The following SLC14A2 variants were observed in gnomAD, a reference collection of about 807,000 sequenced individuals.
SLC14A2 encodes the protein solute carrier family 14 member 2.
Under a neutral mutation model 104.6 loss-of-function variants are expected in SLC14A2, and 91 were observed. The observed-to-expected ratio is 0.87, with a 90% CI of 0.73 to 1.04. The LOEUF is 1.04. Ranked by LOEUF, SLC14A2 falls within the 50% of genes least tolerant of loss-of-function variation. SLC14A2 has a pLI of 0.00. For synonymous variants in SLC14A2, 476 were observed against 466.4 expected (o/e 1.02, Z -0.27); for missense variants, 1,189 against 1,156.0 (o/e 1.03, Z -0.41).
At chr18:45,414,757 A>ATATATATAT (rs1555684043) in intron 1 of SLC14A2, among the ~76,000 whole-genome samples, 2 of 76,096 alleles carry the variant, frequency 2.6e-5, no homozygotes, top group Non-Finnish European at 2.2e-5. Flanking sequence ...AAAAAAAAAA[A>ATATATATAT]ATATATATAT....
Position 45,366,654 on chromosome 18 carries a change from C to T in SLC14A2, c.-124-116579C>T, listed in dbSNP as rs915794858. ...AGAAAAACCAGCTACAGCCTTCTGC[C>T]TAGGACATACCTCTGCCCCACCAGG... is the stretch of plus-strand genomic sequence containing the variant. On this transcript the variant is annotated intron_variant, in intron 1 of 20. Coordinates refer to the SLC14A2 transcript ENST00000586448. Among the ~76,000 whole-genome samples, 3 of 152,314 alleles carry T rather than the reference C, an allele frequency of 2.0e-5. No individual in the cohort carries two copies. In the South Asian group the frequency reaches 6.2e-4, roughly 32 times the overall value.
At position 45,235,819 on chromosome 18, in the gene SLC14A2, A is replaced by G. The variant is rs570703779; in HGVS notation, c.-125+22628A>G. The stretch of plus-strand genomic sequence containing the variant: ...CGCGTGTGTGTGTGTGTGTGTATAT[A>G]TATATATATATACGTGTATATATAT... On this transcript the variant is annotated intron_variant, in intron 1 of 20. Coordinates refer to the SLC14A2 transcript ENST00000586448. Among the ~76,000 whole-genome samples, 57 of 127,580 alleles carry G rather than the reference A, an allele frequency of 4.5e-4. 3 individuals are homozygous for G. The highest frequency in any genetic ancestry group is 1.6e-3 in the African/African-American group (51 of 32,394). The allele number at this position is 127,580 out of a possible 152,430, so 83.7% of individuals were successfully genotyped here. A position where few individuals can be genotyped will look rare whatever the true frequency, so the allele number is the denominator to read the frequency against.
intron 2 of SLC14A2, among the ~76,000 whole-genome samples, chr18:45,518,804 A>G (rs895989444): frequency 5.9e-5 from 9 of 152,150 alleles, no homozygotes; most frequent in Admixed American, 4.6e-4. Flanking sequence ...GTTTTCTGAT[A>G]CCTCTTCAAC....
At chr18:45,170,901 G>A in the SLC14A2 span, among the ~76,000 whole-genome samples, 18 of 152,242 alleles carry the variant, frequency 1.2e-4, no homozygotes, top group East Asian at 5.8e-4. Context: ...GGTGCCATTG[G>A]GGGTAGGAGA....
At chr18:45,537,044 TC>T (rs2043801083) in intron 2 of SLC14A2, among the ~76,000 whole-genome samples, 1 of 28,254 alleles carries the variant, frequency 3.5e-5, no homozygotes, top group Non-Finnish European at 7.7e-5. Context: ...CCTCCCTCCC[TC>T]CCTCCCTCCC....
intron 1 of SLC14A2, among the ~76,000 whole-genome samples, chr18:45,379,323 G>A (rs1009499926): frequency 2.6e-5 from 4 of 152,092 alleles, no homozygotes; most frequent in African/African-American, 4.8e-5. Flanking sequence ...TATAAATTCC[G>A]CCCACTGGTC....
intron 1 of SLC14A2, among the ~76,000 whole-genome samples, chr18:45,349,307 A>T (rs937675484): frequency 5.9e-5 from 9 of 152,220 alleles, no homozygotes; most frequent in Non-Finnish European, 1.0e-4. Flanking sequence ...TCCAGGGCAG[A>T]TCTATTTTCC....
At chr18:45,460,534 C>A (rs1435694642) in intron 1 of SLC14A2, among the ~76,000 whole-genome samples, 2 of 152,188 alleles carry the variant, frequency 1.3e-5, no homozygotes, top group East Asian at 1.9e-4. Flanking sequence ...GTTGGCAGGT[C>A]TGAACTGTAA....
intron 2 of SLC14A2, among the ~76,000 whole-genome samples, chr18:45,532,440 G>A (rs1372144029): frequency 6.7e-6 from 1 of 149,924 alleles, no homozygotes; most frequent in African/African-American, 2.5e-5. Context: ...TGGATTCCTA[G>A]GTATTTTATT....
Position 45,250,755 on chromosome 18 carries a change from C to CTTTTTTTTTTTTTTTT in SLC14A2, c.-125+37570_-125+37585dup, listed in dbSNP as rs67864793. 8.5e-4 allele frequency among the ~76,000 whole-genome samples: 80 copies of CTTTTTTTTTTTTTTTT among 93,876 alleles called. 1 individual carries two copies. The highest frequency in any genetic ancestry group is 3.2e-3 in the African/African-American group (73 of 22,928). 61.6% of individuals were successfully genotyped at this position (93,876 alleles called of 152,430 possible). On this transcript the variant is annotated intron_variant, in intron 1 of 20. Transcript: ENST00000586448. Reference sequence around the variant, plus strand: ...GAATCCTCTGGCTAGTGGCTTCTTCCTTTTTTTTTTTTTTTTTTTTTGGCT... The same window carrying CTTTTTTTTTTTTTTTT: ...GAATCCTCTGGCTAGTGGCTTCTTCCTTTTTTTTTTTTTTTTTTTTTTTTTTTTTTTTTTTTTGGCT...
chr18:45,314,535 A>C (rs1035362739), intron 1 of SLC14A2, among the ~76,000 whole-genome samples: 1 of 152,194 alleles, frequency 6.6e-6, no homozygotes, highest in Non-Finnish European at 1.5e-5. Context: ...GACTTGCCCA[A>C]GGTCACACAG....
chr18:45,400,101 A>T (rs1351089903), intron 1 of SLC14A2, among the ~76,000 whole-genome samples: 2 of 152,228 alleles, frequency 1.3e-5, no homozygotes, highest in African/African-American at 4.8e-5. Flanking sequence ...TTACAAAAAA[A>T]GTTGCAAGAA....
chr18:45,677,238 A>G (rs1345884967), intron 18 of SLC14A2, among the ~76,000 whole-genome samples: 1 of 152,208 alleles, frequency 6.6e-6, no homozygotes, highest in Non-Finnish European at 1.5e-5. Flanking sequence ...ATAAAATAGC[A>G]AATATCAGTG....
intron 1 of SLC14A2, among the ~76,000 whole-genome samples, chr18:45,285,096 C>T (rs2144151335): frequency 6.6e-6 from 1 of 151,880 alleles, no homozygotes; most frequent in Admixed American, 6.5e-5. Context: ...CTTCCTCTAA[C>T]ATTAACACCT....
chr18:45,618,530 G>A (rs1021819028), intron 1 of SLC14A2, among the ~76,000 whole-genome samples: 44 of 151,710 alleles, frequency 2.9e-4, no homozygotes, highest in Admixed American at 2.6e-3. Flanking sequence ...TTAGCCAGGC[G>A]TGGTGGCAGG....
At chr18:45,509,746 G>T (rs1009955057) in intron 2 of SLC14A2, among the ~76,000 whole-genome samples, 1 of 152,178 alleles carries the variant, frequency 6.6e-6, no homozygotes, top group African/African-American at 2.4e-5. Context: ...GGTTCCAGGG[G>T]CCAAAGCCCT....
At chr18:45,401,355 G>T (rs781320418) in intron 1 of SLC14A2, among the ~76,000 whole-genome samples, 2 of 152,122 alleles carry the variant, frequency 1.3e-5, no homozygotes, top group African/African-American at 2.4e-5. Context: ...ACTATTTTAG[G>T]TGACTAAAAC....
At chr18:45,654,225 C>A (rs116186052) in intron 10 of SLC14A2, among the ~76,000 whole-genome samples, 44 of 152,130 alleles carry the variant, frequency 2.9e-4, no homozygotes, top group African/African-American at 1.0e-3. Context: ...GGCAGACGTG[C>A]GCCAGGCAAC....
chr18:45,522,516 A>C (rs958476727), intron 2 of SLC14A2, among the ~76,000 whole-genome samples: 1 of 151,998 alleles, frequency 6.6e-6, no homozygotes, highest in African/African-American at 2.4e-5. Flanking sequence ...GCAATCCTAC[A>C]TAACTCACTA....
Sources: gnomAD v4.1 joint callset for allele counts (sites outside exome capture counted in the v4.1 genomes callset) on GRCh38, gnomAD v4.1.1 for gene constraint, MANE v1.5 for transcripts, NCBI Gene and HGNC (gene_info 2026-07-23, HGNC 2026-07-21) for gene names.